Variants in SPAG9 observed in about 807,000 individuals in gnomAD.
The protein encoded by SPAG9 is C-Jun-amino-terminal kinase-interacting protein 4.
In SPAG9, 35 loss-of-function variants were observed where a neutral mutation model predicts 166.5. That is an observed-to-expected ratio of 0.21 (90% CI 0.16 to 0.28). The LOEUF (loss-of-function observed/expected upper bound fraction) is 0.28, where lower values mean the gene tolerates loss of function less well. Among genes scored for constraint, SPAG9 ranks in the 10% least tolerant of loss-of-function variants. The probability of loss-of-function intolerance (pLI) is 1.00; values close to 1 mark genes in which losing one functional copy is unlikely to be tolerated. For synonymous variants in SPAG9, 534 were observed against 565.5 expected, an observed-to-expected ratio of 0.94 and a Z score of 0.79; for missense variants, 1,235 against 1,603.3, an observed-to-expected ratio of 0.77 and a Z score of 3.92.
intron 1 of SPAG9, among the ~76,000 whole-genome samples, chr17:51,113,522 A>C (rs1289188519): frequency 6.6e-6 from 1 of 151,232 alleles, no homozygotes; most frequent in Non-Finnish European, 1.5e-5. Flanking sequence ...TCTATTAAAA[A>C]TACAAAAGTT....
intron 1 of SPAG9, chr17:51,083,990 ACT>A (rs1342782104): frequency 1.3e-5 from 2 of 152,130 alleles, no homozygotes; most frequent in African/African-American, 4.8e-5. Flanking sequence ...AAATCAAGTC[ACT>A]GTTTATTTTT....
At chr17:50,987,699 T>C (rs568283814) in intron 21 of SPAG9, among the ~76,000 whole-genome samples, 2 of 152,164 alleles carry the variant, frequency 1.3e-5, no homozygotes, top group Non-Finnish European at 2.9e-5. Context: ...ACTATGGCTG[T>C]CTCTTATTTT....
intron 5 of SPAG9, chr17:51,040,545 C>A (rs778790560): frequency 6.6e-5 from 10 of 152,166 alleles, no homozygotes; most frequent in Admixed American, 3.9e-4. Context: ...TAAAACAAAT[C>A]ATTCACTCAA....
intron 2 of SPAG9, among the ~76,000 whole-genome samples, chr17:51,069,202 TA>T (rs2047752235): frequency 6.6e-6 from 1 of 152,078 alleles, no homozygotes; most frequent in South Asian, 2.1e-4. Context: ...CAAAAACACA[TA>T]TCATCATTAA....
At chr17:50,987,462 C>T (rs1975140682) in intron 21 of SPAG9, among the ~76,000 whole-genome samples, 1 of 151,936 alleles carries the variant, frequency 6.6e-6, no homozygotes, top group Non-Finnish European at 1.5e-5. Context: ...ACTTCAGCCT[C>T]CTGAATAACA....
At chr17:51,042,949 G>A (rs1031387469) in intron 4 of SPAG9, among the ~76,000 whole-genome samples, 1 of 152,174 alleles carries the variant, frequency 6.6e-6, no homozygotes, top group African/African-American at 2.4e-5. Context: ...GAAGTACAGT[G>A]GGACGATCTC....
chr17:51,007,235 C>G, intron 10 of SPAG9, 34 bp downstream of exon 10: 1 of 1,251,350 alleles, frequency 8.0e-7, no homozygotes, highest in Non-Finnish European at 1.1e-6. Context: ...GAAGAAAATT[C>G]TTTATCTTCT....
intron 6 of SPAG9, among the ~76,000 whole-genome samples, chr17:51,026,341 A>AAAAAAAAAC (rs2046172224): frequency 6.6e-6 from 1 of 151,722 alleles, no homozygotes; most frequent in Non-Finnish European, 1.5e-5. Flanking sequence ...AAAAAAAAAA[A>AAAAAAAAAC]AAAATAACCA....
intron 3 of SPAG9, among the ~76,000 whole-genome samples, chr17:51,054,344 A>T (rs2047298314): frequency 6.6e-6 from 1 of 151,716 alleles, no homozygotes; most frequent in African/African-American, 2.4e-5. Flanking sequence ...GCTGGTCTCA[A>T]ACTCCTGGGC....
At chr17:50,988,074 G>A (rs986242322) in intron 21 of SPAG9, among the ~76,000 whole-genome samples, 2 of 152,158 alleles carry the variant, frequency 1.3e-5, no homozygotes, top group African/African-American at 4.8e-5. Context: ...AAATTAGCTG[G>A]GTGTGGCAGC....
At chr17:50,987,394 C>T (rs1975132546) in intron 21 of SPAG9, among the ~76,000 whole-genome samples, 157 bp from the exon 22 acceptor site, 1 of 151,972 alleles carries the variant, frequency 6.6e-6, no homozygotes, top group African/African-American at 2.4e-5. Flanking sequence ...GGCTGGAGTA[C>T]AGTGGCACAA....
intron 10 of SPAG9, among the ~76,000 whole-genome samples, chr17:51,006,454 T>A (rs1347664223): frequency 6.6e-6 from 1 of 152,158 alleles, no homozygotes; most frequent in Non-Finnish European, 1.5e-5. Context: ...AGACAGATCA[T>A]CAATTACTAA....
At chr17:51,016,904 G>A (rs2045722397) in intron 8 of SPAG9, among the ~76,000 whole-genome samples, 2 of 152,106 alleles carry the variant, frequency 1.3e-5, no homozygotes, top group South Asian at 4.1e-4. Flanking sequence ...CCGTCTCGGA[G>A]GAGGGAAAAA....
intron 22 of SPAG9, among the ~76,000 whole-genome samples, 197 bp downstream of exon 22, chr17:50,986,915 C>T (rs1321300988): frequency 6.6e-6 from 1 of 152,166 alleles, no homozygotes; most frequent in Non-Finnish European, 1.5e-5. Context: ...GACAAAGAAA[C>T]ATATGGCTTA....
At chr17:51,094,706 T>C (rs377389730) in intron 1 of SPAG9, among the ~76,000 whole-genome samples, 13 of 152,194 alleles carry the variant, frequency 8.5e-5, no homozygotes, top group Non-Finnish European at 1.8e-4. Flanking sequence ...GTCTCATATA[T>C]GTTTTTACAC....
At chr17:51,116,887 G>C (rs1240217001) in intron 1 of SPAG9, among the ~76,000 whole-genome samples, 1 of 152,206 alleles carries the variant, frequency 6.6e-6, no homozygotes. Flanking sequence ...AGAGTAGAAA[G>C]TGAGGAGCTA....
chr17:50,963,804 T>C lies in SPAG9; in HGVS notation c.*2468A>G, dbSNP rs1471717797. ...ATTTCCAATAAATGTTTAATAATGA[T>C]TTTTTAAAAGATATTGCCAAAAATG... On this transcript the variant is annotated 3_prime_UTR_variant, in exon 30 of 30. Coordinates refer to ENST00000262013, the MANE Select transcript of SPAG9 (RefSeq NM_001130528.3). 1.3e-5 allele frequency: 2 copies of C among 152,216 alleles called. No homozygotes were observed. The highest frequency in any genetic ancestry group is 2.9e-5 in the Non-Finnish European group (2 of 68,030). 9.4% of individuals were successfully genotyped at this position (152,216 alleles called of 1,614,324 possible).
At chr17:51,034,524 A>G (rs1305448694) in intron 5 of SPAG9, among the ~76,000 whole-genome samples, 22 of 152,204 alleles carry the variant, frequency 1.4e-4, no homozygotes, top group Non-Finnish European at 4.4e-5. Context: ...CTCAATGTCC[A>G]AAGCTAGAAA....
chr17:51,111,300 A>G (rs1242641329), intron 1 of SPAG9, among the ~76,000 whole-genome samples: 2 of 152,198 alleles, frequency 1.3e-5, no homozygotes, highest in African/African-American at 4.8e-5. Flanking sequence ...CCACAACCTA[A>G]TAACTTATTT....
Sources: gnomAD v4.1 joint callset for allele counts (sites outside exome capture counted in the v4.1 genomes callset) on GRCh38, gnomAD v4.1.1 for gene constraint, MANE v1.5 for transcripts, NCBI Gene and HGNC (gene_info 2026-07-23, HGNC 2026-07-21) for gene names.